The following PLEKHA6 variants were observed in gnomAD, a reference collection of about 807,000 sequenced individuals.
The protein encoded by PLEKHA6 is pleckstrin homology domain-containing family A member 6.
A neutral mutation model predicts 116.7 loss-of-function variants in PLEKHA6; 60 were observed. That is an observed-to-expected ratio of 0.51 (90% CI 0.42 to 0.64). The LOEUF (loss-of-function observed/expected upper bound fraction) is 0.64, where lower values mean the gene tolerates loss of function less well. Ranked by LOEUF, PLEKHA6 falls within the 30% of genes least tolerant of loss-of-function variation. The pLI is 0.00. For missense variants in PLEKHA6, 1,338 were observed against 1,422.7 expected, an observed-to-expected ratio of 0.94 and a Z score of 0.96; for synonymous variants, 489 against 556.1, an observed-to-expected ratio of 0.88 and a Z score of 1.70.
chr1:204,245,366 C>G (rs1321709597), intron 14 of PLEKHA6, among the ~76,000 whole-genome samples: 3 of 152,044 alleles, frequency 2.0e-5, no homozygotes, highest in African/African-American at 7.3e-5. Flanking sequence ...TGCTTTTGAC[C>G]TTTTCTGGGG....
At chr1:204,342,180 G>A (rs1262788328) in intron 1 of PLEKHA6, among the ~76,000 whole-genome samples, 1 of 151,800 alleles carries the variant, frequency 6.6e-6, no homozygotes, top group African/African-American at 2.4e-5. Flanking sequence ...ATGAAACTCT[G>A]TCTCAAAAAA....
chr1:204,299,555 AC>A, intron 1 of PLEKHA6: 10 of 870,168 alleles, frequency 1.1e-5, no homozygotes, highest in Non-Finnish European at 1.4e-5. Context: ...CAGCAAGCTG[AC>A]ACAGCTTTGA....
intron 17 of PLEKHA6, among the ~76,000 whole-genome samples, chr1:204,230,788 G>C (rs556168861): frequency 1.6e-4 from 24 of 152,330 alleles, no homozygotes; most frequent in African/African-American, 5.3e-4. Flanking sequence ...CCCTGAATTA[G>C]AGTGGGCCCT....
In PLEKHA6 at chr1:204,284,241, G is replaced by A. The variant is rs534894091; in HGVS notation, c.-94-9432C>T. Among the ~76,000 whole-genome samples, 3 of 152,294 alleles carry A rather than the reference G, an allele frequency of 2.0e-5. No homozygotes were observed. The East Asian group carries it at 5.8e-4, about 29-fold the overall frequency. On this transcript the variant is annotated intron_variant, in intron 1 of 22. Coordinates refer to ENST00000272203, the MANE Select transcript of PLEKHA6 (RefSeq NM_014935.5). ...GGAGAGCAGGAGCCTCCTGGCTGGA[G>A]GGTAGCACAGCAAGGGTTGAGGGGC...
chr1:204,286,774 T>C (rs1416080270), intron 1 of PLEKHA6, among the ~76,000 whole-genome samples: 4 of 151,972 alleles, frequency 2.6e-5, no homozygotes, highest in Non-Finnish European at 5.9e-5. Context: ...GGTTGGCTAG[T>C]CACATTTGTG....
intron 1 of PLEKHA6, among the ~76,000 whole-genome samples, chr1:204,331,519 GA>G (rs1453049763): frequency 1.3e-5 from 2 of 152,150 alleles, no homozygotes; most frequent in Non-Finnish European, 2.9e-5. Context: ...GGAGAGAAGA[GA>G]AGAACATTCT....
intron 1 of PLEKHA6, among the ~76,000 whole-genome samples, chr1:204,285,504 C>A (rs1413682162): frequency 6.7e-6 from 1 of 149,702 alleles, no homozygotes; most frequent in African/African-American, 2.5e-5. Flanking sequence ...GAGACACGTT[C>A]TTGTTCTGTA....
intron 1 of PLEKHA6, among the ~76,000 whole-genome samples, chr1:204,305,990 T>A (rs1360168806): frequency 6.6e-6 from 1 of 152,234 alleles, no homozygotes; most frequent in African/African-American, 2.4e-5. Context: ...TTCTGGATTA[T>A]ATCGACATTG....
intron 1 of PLEKHA6, among the ~76,000 whole-genome samples, chr1:204,316,058 G>T (rs1165226344): frequency 2.0e-5 from 3 of 152,120 alleles, no homozygotes; most frequent in South Asian, 2.1e-4. Flanking sequence ...GGTATTTGGG[G>T]GCCAGACTGT....
At chr1:204,234,661 C>T (rs1035750727) in intron 17 of PLEKHA6, among the ~76,000 whole-genome samples, 1 of 152,030 alleles carries the variant, frequency 6.6e-6, no homozygotes, top group Non-Finnish European at 1.5e-5. Flanking sequence ...GTTGCCAAAA[C>T]AGATTAGCAT....
chr1:204,287,452 T>G (rs976014179), intron 1 of PLEKHA6, among the ~76,000 whole-genome samples: 1 of 152,034 alleles, frequency 6.6e-6, no homozygotes, highest in Non-Finnish European at 1.5e-5. Flanking sequence ...GTTGAGGGAA[T>G]GGGGGCAACA....
At chr1:204,281,011 G>T (rs1195770397) in intron 1 of PLEKHA6, 2 of 984,358 alleles carry the variant, frequency 2.0e-6, no homozygotes, top group African/African-American at 3.5e-5. Flanking sequence ...TTTGCAGGTG[G>T]GAAGGAACCC....
At chr1:204,256,904 A>G in intron 9 of PLEKHA6, 1 of 627,508 alleles carries the variant, frequency 1.6e-6, no homozygotes, top group Non-Finnish European at 2.9e-6. Context: ...AGAGAAAGGG[A>G]TCGCAGAGGT....
chr1:204,282,611 T>C (rs1668741805), intron 1 of PLEKHA6: 1 of 978,994 alleles, frequency 1.0e-6, no homozygotes, highest in Non-Finnish European at 1.2e-6. Context: ...TTGAATATCA[T>C]TCCCGGGTAC....
chr1:204,292,760 G>A (rs551139767), intron 1 of PLEKHA6, among the ~76,000 whole-genome samples: 1 of 152,376 alleles, frequency 6.6e-6, no homozygotes, highest in South Asian at 2.1e-4. Context: ...ACTAAGGGGA[G>A]CACTGCAAGA....
intron 12 of PLEKHA6, 26 bp from the exon 13 acceptor site, chr1:204,247,486 A>T: frequency 2.7e-6 from 4 of 1,478,230 alleles, no homozygotes; most frequent in Non-Finnish European, 3.8e-6. Context: ...GCGTTCACTG[A>T]GAAAGCCGCC....
rs1470769225 is a variant in PLEKHA6 at position 204,346,108 on chromosome 1, C to A, written c.-95+13586G>T. Among the ~76,000 whole-genome samples, 3 of 152,194 alleles carry A rather than the reference C, an allele frequency of 2.0e-5. 1 individual carries two copies. Among genetic ancestry groups the A allele is most frequent in the Middle Eastern group, 6.3e-3 (2 of 316 alleles). On this transcript the variant is annotated intron_variant, in intron 1 of 22. Transcript: ENST00000272203. ...AGGGAAGCTATGGCTCCTAGAGGAG[C>A]TGCTGCCCCATTGGATAGCCCCCTC...
intron 1 of PLEKHA6, among the ~76,000 whole-genome samples, chr1:204,333,902 T>G (rs1672546829): frequency 6.6e-6 from 1 of 152,176 alleles, no homozygotes; most frequent in Admixed American, 6.5e-5. Context: ...AAACGTCCAT[T>G]CTTTATGCTC....
chr1:204,341,396 A>G (rs12023102), intron 1 of PLEKHA6, among the ~76,000 whole-genome samples: 51,195 of 151,998 alleles, frequency 0.34, 9,508 homozygotes, highest in African/African-American at 0.5. Flanking sequence ...CCCAGAGGAT[A>G]CTGGTGACTA....
Sources: allele counts gnomAD v4.1 joint callset (sites outside exome capture counted in the v4.1 genomes callset), GRCh38; gene constraint gnomAD v4.1.1; transcripts MANE v1.5; gene names NCBI Gene and HGNC (gene_info 2026-07-23, HGNC 2026-07-21).